GRB10: variants seen among roughly 807,000 people sequenced by gnomAD.
The protein encoded by GRB10 is growth factor receptor bound protein 10.
GRB10 carries 20 observed loss-of-function variants against 80.9 expected under a neutral mutation model. That is an observed-to-expected ratio of 0.25 (90% CI 0.17 to 0.36). The LOEUF (loss-of-function observed/expected upper bound fraction) is 0.36. Ranked by LOEUF, GRB10 falls within the 10% of genes least tolerant of loss-of-function variation. The pLI, the probability that GRB10 is intolerant of heterozygous loss-of-function variation, is 1.00. For synonymous variants in GRB10, 291 were observed against 291.5 expected (o/e 1.00, Z 0.02); for missense variants, 548 against 747.7 (o/e 0.73, Z 3.12).
At chr7:50,772,485 G>A (rs936598939) in intron 2 of GRB10, among the ~76,000 whole-genome samples, 1 of 152,162 alleles carries the variant, frequency 6.6e-6, no homozygotes, top group African/African-American at 2.4e-5. Context: ...ACTCAATGGC[G>A]AAATAGTGAA....
At chr7:50,766,574 T>C (rs932786999) in intron 2 of GRB10, among the ~76,000 whole-genome samples, 4 of 142,202 alleles carry the variant, frequency 2.8e-5, no homozygotes, top group South Asian at 2.4e-4. Flanking sequence ...CATAATGTAA[T>C]TGTAATCGTT....
chr7:50,643,266 T>C (rs1044457940), intron 7 of GRB10, among the ~76,000 whole-genome samples: 2 of 152,152 alleles, frequency 1.3e-5, no homozygotes, highest in Admixed American at 1.3e-4. Context: ...GGGAAAGACT[T>C]AATGAGAAAC....
intron 4 of GRB10, chr7:50,710,889 G>C (rs368070237): frequency 1.2e-6 from 2 of 1,612,750 alleles, no homozygotes; most frequent in Non-Finnish European, 1.7e-6. Context: ...CTACGGAACA[G>C]AGGGCCGGCA....
chr7:50,640,370 G>A (rs2056001323), intron 7 of GRB10, among the ~76,000 whole-genome samples: 1 of 152,196 alleles, frequency 6.6e-6, no homozygotes, highest in Non-Finnish European at 1.5e-5. Flanking sequence ...AGGAATGGCT[G>A]CCCCCTTCGA....
chr7:50,617,966 T>A, intron 10 of GRB10, 105 bp downstream of exon 10: 1 of 966,880 alleles, frequency 1.0e-6, no homozygotes, highest in Non-Finnish European at 1.7e-6. Flanking sequence ...TTATAAATGG[T>A]GAAAGATGCG....
At chr7:50,714,177 ATT>A (rs1255742726) in intron 4 of GRB10, among the ~76,000 whole-genome samples, 1 of 152,228 alleles carries the variant, frequency 6.6e-6, no homozygotes, top group Non-Finnish European at 1.5e-5. Context: ...CATAATATTA[ATT>A]TGTTAGAATA....
chr7:50,592,396 G>A lies in GRB10; in HGVS notation c.*556C>T, dbSNP rs1212847981. On this transcript the variant is annotated 3_prime_UTR_variant, in exon 19 of 19. Transcript: ENST00000401949. ...TGGGAGCTGAATCCACACCGTGGTAGTCGGCAGAGGGTGTGGAGGACCCTC... is the reference window on the plus strand; with the variant it reads ...TGGGAGCTGAATCCACACCGTGGTAATCGGCAGAGGGTGTGGAGGACCCTC... 1 of 156,298 alleles carries A rather than the reference G, an allele frequency of 6.4e-6. No homozygotes were observed. Among genetic ancestry groups the A allele is most frequent in the Admixed American group, 6.2e-5 (1 of 16,144 alleles). 9.7% of individuals were successfully genotyped at this position (156,298 alleles called of 1,614,324 possible). A position where few individuals can be genotyped will look rare whatever the true frequency, so the allele number is the denominator to read the frequency against.
intron 2 of GRB10, among the ~76,000 whole-genome samples, chr7:50,759,717 C>A (rs1227579767): frequency 3.3e-5 from 5 of 152,100 alleles, no homozygotes; most frequent in African/African-American, 9.7e-5. Context: ...AATAGCAGAG[C>A]GGCTGTACTT....
Position 50,630,323 on chromosome 7 carries a change from G to C in GRB10, c.505-3345C>G, listed in dbSNP as rs575576398. Among the ~76,000 whole-genome samples the C allele has an allele frequency of 4.7e-4, 71 of 152,294 alleles. 1 individual carries two copies. Among genetic ancestry groups the C allele is most frequent in the South Asian group, 1.5e-3 (7 of 4,824 alleles). On this transcript the variant is annotated intron_variant, in intron 7 of 18. Transcript: ENST00000401949. ...TAACTAGCTGTGGGAACATGGCTGAGCTATCCAGCCTCTCTGTGCCTCAGT... is the reference window on the plus strand; with the variant it reads ...TAACTAGCTGTGGGAACATGGCTGACCTATCCAGCCTCTCTGTGCCTCAGT...
chr7:50,697,682 A>T (rs2063613114), intron 5 of GRB10, among the ~76,000 whole-genome samples: 1 of 152,202 alleles, frequency 6.6e-6, no homozygotes, highest in Non-Finnish European at 1.5e-5. Flanking sequence ...AAAGAACCGC[A>T]CTGTATGTTT....
At chr7:50,676,806 C>T (rs1298377108) in intron 5 of GRB10, among the ~76,000 whole-genome samples, 1 of 152,100 alleles carries the variant, frequency 6.6e-6, no homozygotes, top group African/African-American at 2.4e-5. Context: ...AGTGCTTGGG[C>T]TTCTGGAGTG....
At chr7:50,679,530 A>G (rs2061330741) in intron 5 of GRB10, among the ~76,000 whole-genome samples, 1 of 152,210 alleles carries the variant, frequency 6.6e-6, no homozygotes, top group African/African-American at 2.4e-5. Context: ...ACATAAGGAC[A>G]TGTTATTTGC....
intron 5 of GRB10, among the ~76,000 whole-genome samples, chr7:50,696,563 A>G (rs1335003905): frequency 6.6e-6 from 1 of 152,208 alleles, no homozygotes; most frequent in Admixed American, 6.5e-5. Context: ...AGTCAACTCT[A>G]TCTGCTTTTG....
Position 50,719,716 on chromosome 7 carries a change from C to T in GRB10, c.51+12556G>A, listed in dbSNP as rs114801555. 4.4e-3 allele frequency among the ~76,000 whole-genome samples: 664 copies of T among 152,112 alleles called. 9 individuals are homozygous for T. Among genetic ancestry groups the T allele is most frequent in the African/African-American group, 0.016 (652 of 41,526 alleles). On this transcript the variant is annotated intron_variant, in intron 4 of 18. Transcript: ENST00000401949. ...TTTAAAAAATAAAAAAAAAGAGTAA[C>T]CATCTTTAACAATTACACGGATGCC...
chr7:50,623,874 A>T (rs1189194059), intron 8 of GRB10, among the ~76,000 whole-genome samples: 2 of 152,176 alleles, frequency 1.3e-5, no homozygotes, highest in African/African-American at 4.8e-5. Context: ...CAGTTGAACA[A>T]TCCAAAATCC....
chr7:50,731,816 T>A (rs2069784051), intron 4 of GRB10, among the ~76,000 whole-genome samples: 1 of 152,180 alleles, frequency 6.6e-6, no homozygotes, highest in Non-Finnish European at 1.5e-5. Flanking sequence ...GAACATCTGT[T>A]AAGACACCAA....
At chr7:50,760,995 A>G (rs913445530) in intron 2 of GRB10, among the ~76,000 whole-genome samples, 16 of 152,262 alleles carry the variant, frequency 1.1e-4, no homozygotes, top group African/African-American at 3.9e-4. Flanking sequence ...TGAAGATCAA[A>G]TTGAAGGAAG....
chr7:50,628,565 G>C lies in GRB10; in HGVS notation c.505-1587C>G, dbSNP rs62447519. 3.0e-3 allele frequency among the ~76,000 whole-genome samples: 173 copies of C among 56,920 alleles called. 1 individual carries two copies. The highest frequency in any genetic ancestry group is 8.4e-3 in the South Asian group (16 of 1,894). The allele number at this position is 56,920 out of a possible 152,430, so 37.3% of individuals were successfully genotyped here. A position where few individuals can be genotyped will look rare whatever the true frequency, so the allele number is the denominator to read the frequency against. On this transcript the variant is annotated intron_variant, in intron 7 of 18. Transcript: ENST00000401949. Reference sequence around the variant, plus strand: ...GTCACTCAAGCCTGAGTGCCCAGGTGGGGGTGGTGGGGGTGGTAGAGGCGG... The same window carrying C: ...GTCACTCAAGCCTGAGTGCCCAGGTCGGGGTGGTGGGGGTGGTAGAGGCGG...
At chr7:50,691,085 G>A (rs2062761817) in intron 5 of GRB10, among the ~76,000 whole-genome samples, 1 of 152,098 alleles carries the variant, frequency 6.6e-6, no homozygotes, top group Non-Finnish European at 1.5e-5. Flanking sequence ...GATCTTCAAA[G>A]TGGAAAGGAA....
Sources: allele counts gnomAD v4.1 joint callset (sites outside exome capture counted in the v4.1 genomes callset), GRCh38; gene constraint gnomAD v4.1.1; transcripts MANE v1.5; gene names NCBI Gene and HGNC (gene_info 2026-07-23, HGNC 2026-07-21).